SELENOP: variants seen among roughly 807,000 people sequenced by gnomAD.
SELENOP encodes selenoprotein P.
In SELENOP, 36 loss-of-function variants were observed where a neutral mutation model predicts 41.0. The ratio of observed to expected loss-of-function variants is 0.88; its 90% CI spans 0.67 to 1.16. The LOEUF (loss-of-function observed/expected upper bound fraction) is 1.16, where lower values mean the gene tolerates loss of function less well. SELENOP is among the 50% of genes most tolerant of loss of function. SELENOP has a pLI of 0.00. For missense variants in SELENOP, 440 were observed against 454.2 expected (o/e 0.97, Z 0.28); for synonymous variants, 144 against 150.8 (o/e 0.95, Z 0.33).
intron 3 of SELENOP, 27 bp downstream of exon 3, chr5:42,806,869 G>C: frequency 7.7e-7 from 1 of 1,292,056 alleles, no homozygotes; most frequent in South Asian, 1.3e-5. Context: ...TTTTAAATTT[G>C]GGATGTGTTT....
At chr5:42,802,896 A>C (rs1344772132) in intron 4 of SELENOP, among the ~76,000 whole-genome samples, 3 of 152,238 alleles carry the variant, frequency 2.0e-5, no homozygotes, top group Non-Finnish European at 2.9e-5. Context: ...GGCGTGGGCC[A>C]CCGCACCCTG....
At chr5:42,811,559 T>C (rs941056264) in intron 1 of SELENOP, among the ~76,000 whole-genome samples, 1 of 152,216 alleles carries the variant, frequency 6.6e-6, no homozygotes, top group African/African-American at 2.4e-5. Context: ...CAACAGATTA[T>C]AGAATAAAAG....
chr5:42,801,299 T>C lies in SELENOP; in HGVS notation c.567A>G (p.Val189=), dbSNP rs1329758821. 6.2e-7 allele frequency: 1 copy of C among 1,611,828 alleles called. No homozygotes were observed. Among genetic ancestry groups the C allele is most frequent in the Non-Finnish European group, 8.5e-7 (1 of 1,178,966 alleles). Residue 189 remains valine, a synonymous_variant, in exon 5 of 5, where the codon GTA becomes GTG. Coordinates refer to ENST00000514985, the MANE Select transcript of SELENOP (RefSeq NM_005410.4). ...CTGTTTTATCCACAGTAGCCAAAGA[T>C]ACACGTTTACAAAAGTCTTCATCTT... ...TLKDEDFCKR[V]SLATVDKTVE...
At chr5:42,809,060 T>TGTCG (rs1760404685) in intron 1 of SELENOP, among the ~76,000 whole-genome samples, 1 of 152,116 alleles carries the variant, frequency 6.6e-6, no homozygotes, top group African/African-American at 2.4e-5. Flanking sequence ...ATGTGGCTCA[T>TGTCG]GTCGGGCCCT....
At chr5:42,803,692 A>G (rs1049377340) in intron 4 of SELENOP, among the ~76,000 whole-genome samples, 4 of 152,356 alleles carry the variant, frequency 2.6e-5, no homozygotes, top group Admixed American at 2.0e-4. Flanking sequence ...GTTATGAAGG[A>G]AAACAAGTCT....
Position 42,801,285 on chromosome 5 carries a change from A to G in SELENOP, c.581T>C (p.Val194Ala), listed in dbSNP as rs753914899. 1 of 1,613,438 alleles carries G rather than the reference A, an allele frequency of 6.2e-7. No individual in the cohort carries two copies. The highest frequency in any genetic ancestry group is 1.7e-5 in the Admixed American group (1 of 59,922). Residue 194 changes from valine (V) to alanine (A), a missense_variant, in exon 5 of 5, where the codon GTG becomes GCG. Physicochemically the swap from Val to Ala is moderately conservative, Grantham distance 64 (BLOSUM62 0). Transcript: ENST00000514985. ...DFCKRVSLAT[V>A]DKTVETPSPH... ...CGATGGAGTTTCAACTGTTTTATCC[A>G]CAGTAGCCAAAGATACACGTTTACA...
rs758046062 is a variant in SELENOP at position 42,804,684 on chromosome 5, T to C, written c.506A>G (p.Glu169Gly). The C allele has an allele frequency of 6.2e-7, 1 of 1,600,248 alleles. No homozygotes were observed. Among genetic ancestry groups the C allele is most frequent in the South Asian group, 1.1e-5 (1 of 89,250 alleles). Residue 169 changes from glutamate to glycine, a missense_variant, in exon 4 of 5, where the codon GAA becomes GGA. Coordinates refer to ENST00000514985, the MANE Select transcript of SELENOP (RefSeq NM_005410.4). Reference sequence around the variant, plus strand: ...GAGAGAGCAGTTTCCACATTTCTTTTCACAGTAAGCAATCTTAATGGCTTC... The same window carrying C: ...GAGAGAGCAGTTTCCACATTTCTTTCCACAGTAAGCAATCTTAATGGCTTC... ...VEEAIKIAYC[E>G]KKCGNCSLTT... is the part of the protein sequence containing the mutation.
chr5:42,800,009 C>A lies in SELENOP; in HGVS notation c.*711G>T. Reference sequence around the variant, plus strand: ...TATAGGGTTTGGTTTACCTATTAAACCATCATTGACTATGGAAATACTTAC... The same window carrying A: ...TATAGGGTTTGGTTTACCTATTAAAACATCATTGACTATGGAAATACTTAC... On this transcript the variant is annotated 3_prime_UTR_variant, in exon 5 of 5. Coordinates refer to ENST00000514985, the MANE Select transcript of SELENOP (RefSeq NM_005410.4). The A allele has an allele frequency of 6.5e-6, 3 of 461,876 alleles. No homozygotes were observed. The highest frequency in any genetic ancestry group is 1.1e-5 in the Non-Finnish European group (3 of 264,070). The allele number at this position is 461,876 out of a possible 1,614,324, so 28.6% of individuals were successfully genotyped here.
At chr5:42,810,416 GT>G (rs1760433879) in intron 1 of SELENOP, among the ~76,000 whole-genome samples, 1 of 152,036 alleles carries the variant, frequency 6.6e-6, no homozygotes, top group Non-Finnish European at 1.5e-5. Context: ...TCAGCACTTG[GT>G]TTTTTCACTT....
intron 4 of SELENOP, among the ~76,000 whole-genome samples, chr5:42,802,889 G>A (rs1452851451): frequency 1.3e-5 from 2 of 152,178 alleles, no homozygotes; most frequent in African/African-American, 4.8e-5. Flanking sequence ...GATTACAGGC[G>A]TGGGCCACCG....
In SELENOP at chr5:42,804,743, C is replaced by T; in HGVS notation, c.447G>A (p.Leu149=). The part of the protein sequence containing the change: ...RCGRLVYHLG[L]PFSFLTFPYV... ...ATGGGAAAGTTAGGAAGGAAAAAGG[C>T]AAACCAAGATGATATACAAGACGGC... Residue 149 remains leucine (L), a synonymous_variant, in exon 4 of 5, where the codon TTG becomes TTA. Transcript: ENST00000514985. The T allele has an allele frequency of 6.2e-7, 1 of 1,608,684 alleles. No individual in the cohort carries two copies. The highest frequency in any genetic ancestry group is 1.3e-5 in the African/African-American group (1 of 74,782).
At chr5:42,808,680 T>C (rs1437256273) in intron 1 of SELENOP, among the ~76,000 whole-genome samples, 1 of 150,016 alleles carries the variant, frequency 6.7e-6, no homozygotes, top group Non-Finnish European at 1.5e-5. Flanking sequence ...AGGCCGAGGC[T>C]GGCAGATCAC....
At chr5:42,807,132 A>T (rs1311918681) in intron 2 of SELENOP, 24 bp from the exon 3 acceptor site, 1 of 1,102,604 alleles carries the variant, frequency 9.1e-7, no homozygotes, top group East Asian at 2.4e-5. Context: ...GAAGAAATAC[A>T]TAAAATGAAT....
intron 1 of SELENOP, among the ~76,000 whole-genome samples, chr5:42,811,290 A>G (rs28919887): frequency 6.6e-6 from 1 of 152,296 alleles, no homozygotes; most frequent in Non-Finnish European, 1.5e-5. Context: ...CAGACCACCT[A>G]ATTGTTGACA....
chr5:42,799,978 C>A lies in SELENOP; in HGVS notation c.*742G>T. The A allele has an allele frequency of 1.7e-6, 1 of 593,632 alleles. No individual in the cohort carries two copies. The allele number at this position is 593,632 out of a possible 1,614,324, so 36.8% of individuals were successfully genotyped here. ...TAATAGTATTAACCATAAAGGAGGT[C>A]AGGTTTATAGGGTTTGGTTTACCTA... On this transcript the variant is annotated 3_prime_UTR_variant, in exon 5 of 5. Transcript: ENST00000514985.
rs1227395643 is a variant in SELENOP, at chr5:42,811,843, C to T, written c.-21G>A. 1 of 152,218 alleles carries T rather than the reference C, an allele frequency of 6.6e-6. No homozygotes were observed. The highest frequency in any genetic ancestry group is 1.5e-5 in the Non-Finnish European group (1 of 68,048). 9.4% of individuals were successfully genotyped at this position (152,218 alleles called of 1,614,324 possible). A position where few individuals can be genotyped will look rare whatever the true frequency, so the allele number is the denominator to read the frequency against. On this transcript the variant is annotated 5_prime_UTR_variant, in exon 1 of 5. It adds an upstream start codon to the 5' untranslated region. Coordinates refer to ENST00000514985, the MANE Select transcript of SELENOP (RefSeq NM_005410.4). ...CACGAAGTTCCTACTTACACAACCA[C>T]TTCCAACGGGCCTGCTTCCTTTCTC...
At position 42,808,210 on chromosome 5, in the gene SELENOP, TG is replaced by T; in HGVS notation, c.143del (p.Ser48Ter). On this transcript the variant is annotated frameshift_variant, in exon 2 of 5. Coordinates refer to ENST00000514985, the MANE Select transcript of SELENOP (RefSeq NM_005410.4). LOFTEE classifies it high-confidence loss of function. ...CTTGAAGAAGAGCAACCACAGTCAC[TG>T]AACCATTGGAGTTTAGCATTGGATC... ...DQDPMLNSNG[S>X]VTVVALLQAS... The T allele has an allele frequency of 6.3e-7, 1 of 1,583,120 alleles. No homozygotes were observed. Among genetic ancestry groups the T allele is most frequent in the Non-Finnish European group, 8.6e-7 (1 of 1,165,420 alleles).
chr5:42,804,542 GTTAT>G (rs1760288483), intron 4 of SELENOP, 110 bp downstream of exon 4: 7 of 571,086 alleles, frequency 1.2e-5, no homozygotes, highest in Middle Eastern at 3.4e-4. Flanking sequence ...AAAAATTATT[GTTAT>G]TTATTTTTAG....
chr5:42,801,432 A>C, intron 4 of SELENOP, 101 bp from the exon 5 acceptor site: 2 of 870,630 alleles, frequency 2.3e-6, no homozygotes, highest in Non-Finnish European at 3.5e-6. Context: ...CCAACTAGTT[A>C]ATTAGAATCG....
Sources: allele counts gnomAD v4.1 joint callset (sites outside exome capture counted in the v4.1 genomes callset), GRCh38; gene constraint gnomAD v4.1.1; transcripts MANE v1.5; gene names NCBI Gene and HGNC (gene_info 2026-07-23, HGNC 2026-07-21).